Variants in SYNE2 observed in about 807,000 individuals in gnomAD.
SYNE2 encodes nesprin-2.
SYNE2 carries 431 observed loss-of-function variants against 856.3 expected under a neutral mutation model. The observed-to-expected ratio is 0.50, with a 90% confidence interval of 0.47 to 0.55. SYNE2 has a LOEUF of 0.55. Among genes scored for constraint, SYNE2 ranks in the 20% least tolerant of loss-of-function variants. The pLI is 0.00. For missense variants in SYNE2, 8,129 were observed against 8,023.2 expected, an observed-to-expected ratio of 1.01 and a Z score of -0.50; for synonymous variants, 2,923 against 2,872.3, an observed-to-expected ratio of 1.02 and a Z score of -0.56.
At chr14:63,874,683 T>C (rs1331202896) in intron 1 of SYNE2, among the ~76,000 whole-genome samples, 1 of 152,160 alleles carries the variant, frequency 6.6e-6, no homozygotes, top group African/African-American at 2.4e-5. Context: ...CAAAAACTAA[T>C]GGACTTTACA....
At chr14:64,100,514 CAAAA>C (rs35489245) in intron 63 of SYNE2, among the ~76,000 whole-genome samples, 75 of 23,728 alleles carry the variant, frequency 3.2e-3, no homozygotes, top group South Asian at 8.0e-3. Flanking sequence ...AAAACTGTCT[CAAAA>C]AAAAAAAAAA....
At chr14:63,913,933 C>G (rs2095505627) in intron 2 of SYNE2, among the ~76,000 whole-genome samples, 1 of 147,726 alleles carries the variant, frequency 6.8e-6, no homozygotes, top group African/African-American at 2.5e-5. Flanking sequence ...GAACTCCTGG[C>G]CTCGAGCTAT....
At chr14:63,804,403 A>G (rs1888278335) in intron 1 of SYNE2, among the ~76,000 whole-genome samples, 1 of 151,954 alleles carries the variant, frequency 6.6e-6, no homozygotes, top group African/African-American at 2.4e-5. Flanking sequence ...TTTCTATTGC[A>G]ATTGCTTTTG....
At chr14:64,080,861 C>G (rs1411470760) in intron 56 of SYNE2, among the ~76,000 whole-genome samples, 1 of 152,104 alleles carries the variant, frequency 6.6e-6, no homozygotes, top group African/African-American at 2.4e-5. Flanking sequence ...CAGAAGTTGA[C>G]CACAGCAAGA....
At chr14:64,001,817 T>C (rs913876177) in intron 28 of SYNE2, 117 bp from the exon 29 acceptor site, 16 of 1,116,648 alleles carry the variant, frequency 1.4e-5, no homozygotes, top group African/African-American at 1.4e-4. Flanking sequence ...TATATCATTG[T>C]ATGTCTGTTT....
In SYNE2 at chr14:64,121,749, CTGCTT is replaced by C. The variant is rs1456118347; in HGVS notation, c.13159-259_13159-255del. On this transcript the variant is annotated intron_variant, in intron 68 of 115. Coordinates refer to ENST00000555002, the MANE Select transcript of SYNE2 (RefSeq NM_182914.3). ...AGGGTGAACTTCTGTAGTTGCGACT[CTGCTT>C]TGCCTGTCTTTTCAAAATGTGTTTG... 2.0e-5 allele frequency among the ~76,000 whole-genome samples: 3 copies of C among 152,202 alleles called. No homozygotes were observed. The East Asian group carries it at 5.8e-4, about 29-fold the overall frequency.
intron 111 of SYNE2, among the ~76,000 whole-genome samples, chr14:64,221,268 A>G (rs1359579239): frequency 6.6e-6 from 1 of 152,146 alleles, no homozygotes; most frequent in African/African-American, 2.4e-5. Flanking sequence ...AACCCAGCAG[A>G]GAACCCAGCA....
chr14:63,852,519 C>A (rs1418121000), upstream of SYNE2, among the ~76,000 whole-genome samples: 2 of 152,170 alleles, frequency 1.3e-5, no homozygotes, highest in Non-Finnish European at 2.9e-5. Context: ...AAGATCCGGA[C>A]CACACTACGA....
At chr14:63,973,456 A>G (rs932893571) in intron 11 of SYNE2, among the ~76,000 whole-genome samples, 6 of 151,586 alleles carry the variant, frequency 4.0e-5, no homozygotes, top group Non-Finnish European at 5.9e-5. Flanking sequence ...ACATGGTGAA[A>G]CCTCGTCTCT....
chr14:64,183,288 C>A (rs1395962629), intron 96 of SYNE2, among the ~76,000 whole-genome samples: 1 of 147,852 alleles, frequency 6.8e-6, no homozygotes, highest in Non-Finnish European at 1.5e-5. Context: ...GGGTGGCGGC[C>A]GGGCAGAGGC....
chr14:64,005,982 C>T (rs889545294), intron 30 of SYNE2, among the ~76,000 whole-genome samples: 1 of 152,088 alleles, frequency 6.6e-6, no homozygotes, highest in African/African-American at 2.4e-5. Context: ...TCTGGGGTTA[C>T]CTGAAGAAGG....
chr14:63,923,449 T>A (rs1326942346), intron 2 of SYNE2, among the ~76,000 whole-genome samples: 1 of 152,260 alleles, frequency 6.6e-6, no homozygotes, highest in Non-Finnish European at 1.5e-5. Context: ...TAAATCTGTA[T>A]GTTGATTGAG....
chr14:64,188,475 A>G (rs1382616816), intron 97 of SYNE2, 75 bp from the exon 98 acceptor site: 1 of 1,551,138 alleles, frequency 6.4e-7, no homozygotes, highest in Non-Finnish European at 8.9e-7. Flanking sequence ...AATGAAACTC[A>G]GTTTTTTTGA....
At chr14:63,954,621 A>T in intron 7 of SYNE2, 98 bp from the exon 8 acceptor site, 1 of 1,078,342 alleles carries the variant, frequency 9.3e-7, no homozygotes. Context: ...TATCTAATTT[A>T]CTTGATTTGC....
At chr14:64,175,391 A>G (rs2098429753) in intron 95 of SYNE2, among the ~76,000 whole-genome samples, 1 of 152,228 alleles carries the variant, frequency 6.6e-6, no homozygotes, top group Admixed American at 6.5e-5. Context: ...AACATATTCA[A>G]TGAAAGTTCA....
Position 63,940,105 on chromosome 14 carries a change from T to C in SYNE2, c.80-509T>C, listed in dbSNP as rs536502641. 4.0e-3 allele frequency among the ~76,000 whole-genome samples: 565 copies of C among 140,450 alleles called. 1 individual carries two copies. The highest frequency in any genetic ancestry group is 6.1e-3 in the Non-Finnish European group (403 of 65,990). The allele number at this position is 140,450 out of a possible 152,430, so 92.1% of individuals were successfully genotyped here. ...TTTTTTTTTCTTTCATGAAACAGAG[T>C]CTTGCCGTGTTGACCAGGCTGCAGT... On this transcript the variant is annotated intron_variant, in intron 2 of 115. Coordinates refer to ENST00000555002, the MANE Select transcript of SYNE2 (RefSeq NM_182914.3).
chr14:63,894,174 T>C (rs887593612), intron 1 of SYNE2, among the ~76,000 whole-genome samples: 4 of 152,154 alleles, frequency 2.6e-5, no homozygotes, highest in African/African-American at 9.7e-5. Flanking sequence ...TAAGATGGAC[T>C]TTTTCTTTTT....
At position 64,001,959 on chromosome 14, in the gene SYNE2, C is replaced by T. The variant is rs773994020; in HGVS notation, c.3664C>T (p.Arg1222Trp). Residue 1222 changes from arginine (R) to tryptophan (W), a missense_variant, in exon 29 of 116, where the codon CGG (arginine) becomes TGG (tryptophan). Transcript: ENST00000555002. Reference sequence around the variant, plus strand: ...AATGGAATCTTTAGAGACAGCACTGCGGCTTGTGTTACCTGTAGAGAAGGC... The same window carrying T: ...AATGGAATCTTTAGAGACAGCACTGTGGCTTGTGTTACCTGTAGAGAAGGC... ...TRMESLETAL[R>W]LVLPVEKASL... is the part of the protein sequence containing the mutation. 3.8e-5 allele frequency: 61 copies of T among 1,613,948 alleles called. No individual in the cohort carries two copies. The highest frequency in any genetic ancestry group is 3.2e-4 in the Admixed American group (19 of 59,988).
rs145661639 is a variant in SYNE2 at position 64,168,895 on chromosome 14, T to G, written c.16924T>G (p.Ser5642Ala). 9.9e-6 allele frequency: 16 copies of G among 1,613,976 alleles called. 1 individual carries two copies. The African/African-American group carries it at 1.3e-4, about 13-fold the overall frequency. ...TATACAGATGTTAGAAGCTGAAGTT[T>G]CTATAAACCAGACAATTGCTGATTC... ...KTYKMLEAEV[S>A]INQTIADSYV... The change falls in exon 93 of 116, where the codon TCT becomes GCT. Residue 5642 changes from serine (S) to alanine (A), a missense_variant. By Grantham distance (99) the Ser-to-Ala change is moderately conservative. Around this residue, in one of 3 missense-constraint regions of SYNE2, gnomAD observed 5,410 missense variants for 5,284.8 expected, o/e 1.02. Coordinates refer to ENST00000555002, the MANE Select transcript of SYNE2 (RefSeq NM_182914.3).
Sources: allele counts gnomAD v4.1 joint callset (sites outside exome capture counted in the v4.1 genomes callset), GRCh38; gene constraint gnomAD v4.1.1; regional missense constraint gnomAD v4.1.1; transcripts MANE v1.5; gene names NCBI Gene and HGNC (gene_info 2026-07-23, HGNC 2026-07-21).